PPP3CA: variants seen among roughly 807,000 people sequenced by gnomAD.
PPP3CA encodes CAM-PRP catalytic subunit.
In PPP3CA, 14 loss-of-function variants were observed where a neutral mutation model predicts 66.5. The observed-to-expected ratio is 0.21, with a 90% CI of 0.14 to 0.33. The LOEUF (loss-of-function observed/expected upper bound fraction) is 0.33, where lower values mean the gene tolerates loss of function less well. PPP3CA is among the 10% of genes least tolerant of loss of function. The pLI is 1.00. For missense variants in PPP3CA, 317 were observed against 639.5 expected (o/e 0.50, Z 5.44); for synonymous variants, 232 against 226.2 (o/e 1.03, Z -0.23).
At chr4:101,183,980 A>G (rs1482409968) in intron 2 of PPP3CA, among the ~76,000 whole-genome samples, 1 of 152,160 alleles carries the variant, frequency 6.6e-6, no homozygotes, top group Admixed American at 6.6e-5. Context: ...CAAATAGTGC[A>G]TACATTCTAC....
intron 1 of PPP3CA, among the ~76,000 whole-genome samples, chr4:101,335,889 G>A (rs1406576227): frequency 1.3e-5 from 2 of 152,148 alleles, no homozygotes; most frequent in Non-Finnish European, 2.9e-5. Flanking sequence ...GGATTTAAAG[G>A]TAGACTCCTA....
chr4:101,208,255 A>C (rs1193065087), intron 1 of PPP3CA, among the ~76,000 whole-genome samples: 1 of 152,198 alleles, frequency 6.6e-6, no homozygotes, highest in Non-Finnish European at 1.5e-5. Context: ...ACACAATCAG[A>C]TGATATAAGT....
chr4:101,226,919 C>T (rs1355830916), intron 1 of PPP3CA, among the ~76,000 whole-genome samples: 1 of 151,664 alleles, frequency 6.6e-6, no homozygotes, highest in Non-Finnish European at 1.5e-5. Context: ...CAAACATGTC[C>T]ATGGTTCAGG....
chr4:101,296,865 G>A (rs1005673232), intron 1 of PPP3CA, among the ~76,000 whole-genome samples: 21 of 152,248 alleles, frequency 1.4e-4, no homozygotes, highest in African/African-American at 4.3e-4. Flanking sequence ...GTAAAACACT[G>A]CTAACTTATT....
intron 2 of PPP3CA, among the ~76,000 whole-genome samples, chr4:101,154,778 A>T (rs909186849): frequency 1.3e-5 from 2 of 151,080 alleles, no homozygotes; most frequent in African/African-American, 2.4e-5. Context: ...AGCAAATGTA[A>T]ATCTGCTTCA....
At chr4:101,251,737 T>G (rs1578596225) in intron 1 of PPP3CA, among the ~76,000 whole-genome samples, 1 of 152,206 alleles carries the variant, frequency 6.6e-6, no homozygotes, top group African/African-American at 2.4e-5. Flanking sequence ...ATTCTAACAC[T>G]GTCTTTCCTT....
chr4:101,167,402 A>G (rs1434084711), intron 2 of PPP3CA, among the ~76,000 whole-genome samples: 1 of 152,218 alleles, frequency 6.6e-6, no homozygotes, highest in Non-Finnish European at 1.5e-5. Context: ...AGAGGAGCTT[A>G]GTCAACATTT....
At position 101,281,862 on chromosome 4, in the gene PPP3CA, A is replaced by G. The variant is rs1039409041; in HGVS notation, c.58+64877T>C. On this transcript the variant is annotated intron_variant, in intron 1 of 13. Coordinates refer to ENST00000394854, the MANE Select transcript of PPP3CA (RefSeq NM_000944.5). ...TACATATAACAAAGACAGACTTGCTAGTTATTGAGGGTCTTTTTCCTGTAC... is the reference window on the plus strand; with the variant it reads ...TACATATAACAAAGACAGACTTGCTGGTTATTGAGGGTCTTTTTCCTGTAC... 3.3e-5 allele frequency among the ~76,000 whole-genome samples: 5 copies of G among 152,194 alleles called. No individual in the cohort carries two copies. In the East Asian group the frequency reaches 7.7e-4, roughly 23 times the overall value.
chr4:101,030,587 T>C (rs1208343669), intron 12 of PPP3CA, among the ~76,000 whole-genome samples: 2 of 152,088 alleles, frequency 1.3e-5, no homozygotes, highest in South Asian at 2.1e-4. Flanking sequence ...AACCAATGGA[T>C]TTAAAATAAA....
intron 1 of PPP3CA, among the ~76,000 whole-genome samples, chr4:101,205,323 T>C (rs1370863616): frequency 6.6e-6 from 1 of 152,060 alleles, no homozygotes; most frequent in Admixed American, 6.5e-5. Flanking sequence ...TTTTTAAAAA[T>C]TTATTTATTT....
chr4:101,277,110 G>T (rs180806648), intron 1 of PPP3CA, among the ~76,000 whole-genome samples: 1 of 152,184 alleles, frequency 6.6e-6, no homozygotes, highest in African/African-American at 2.4e-5. Flanking sequence ...CCTTTTCACT[G>T]TCACCATATT....
At chr4:101,177,375 T>G (rs1444755738) in intron 2 of PPP3CA, among the ~76,000 whole-genome samples, 1 of 152,126 alleles carries the variant, frequency 6.6e-6, no homozygotes, top group Non-Finnish European at 1.5e-5. Context: ...AACCTCTTCA[T>G]GAATTACAGG....
chr4:101,171,220 G>A (rs1723867773), intron 2 of PPP3CA: 1 of 455,870 alleles, frequency 2.2e-6, no homozygotes, highest in Non-Finnish European at 4.4e-6. Context: ...GGTCATCTGT[G>A]GAGCTTCTGA....
chr4:101,227,015 TTAAA>T (rs1284510515), intron 1 of PPP3CA, among the ~76,000 whole-genome samples: 2 of 151,744 alleles, frequency 1.3e-5, no homozygotes, highest in Non-Finnish European at 2.9e-5. Context: ...ATGATCTACT[TTAAA>T]TAAGCATTCC....
chr4:101,290,855 C>T (rs1728000639), intron 1 of PPP3CA, among the ~76,000 whole-genome samples: 1 of 152,120 alleles, frequency 6.6e-6, no homozygotes, highest in Admixed American at 6.5e-5. Flanking sequence ...CTGACATAAC[C>T]CAACTCCCTG....
At chr4:101,302,079 C>G (rs1728396993) in intron 1 of PPP3CA, among the ~76,000 whole-genome samples, 1 of 151,952 alleles carries the variant, frequency 6.6e-6, no homozygotes, top group South Asian at 2.1e-4. Context: ...ATTATGTATA[C>G]TTTTAAATAT....
At chr4:101,149,438 T>C (rs1723065668) in intron 2 of PPP3CA, among the ~76,000 whole-genome samples, 1 of 152,310 alleles carries the variant, frequency 6.6e-6, no homozygotes, top group South Asian at 2.1e-4. Context: ...TTTCAAATCC[T>C]GTATTAGTTC....
chr4:101,286,245 C>G (rs904125329), intron 1 of PPP3CA, among the ~76,000 whole-genome samples: 6 of 152,192 alleles, frequency 3.9e-5, no homozygotes, highest in Non-Finnish European at 8.8e-5. Flanking sequence ...CCTGTGTGCC[C>G]AGGTTCCTAA....
chr4:101,344,998 G>A (rs1196167046), intron 1 of PPP3CA, among the ~76,000 whole-genome samples: 1 of 152,172 alleles, frequency 6.6e-6, no homozygotes, highest in Non-Finnish European at 1.5e-5. Context: ...GTCAACAGAA[G>A]CCTTTCATGC....
Sources: allele counts gnomAD v4.1 joint callset (sites outside exome capture counted in the v4.1 genomes callset), GRCh38; gene constraint gnomAD v4.1.1; transcripts MANE v1.5; gene names NCBI Gene and HGNC (gene_info 2026-07-23, HGNC 2026-07-21).